The following ARHGAP42 variants were observed in gnomAD, a reference collection of about 807,000 sequenced individuals.
The protein encoded by ARHGAP42 is rho GTPase-activating protein 42.
ARHGAP42 carries 63 observed loss-of-function variants against 125.0 expected under a neutral mutation model. The ratio of observed to expected loss-of-function variants is 0.50; its 90% CI spans 0.41 to 0.62. The LOEUF (loss-of-function observed/expected upper bound fraction) is 0.62. Ranked by LOEUF, ARHGAP42 falls within the 20% of genes least tolerant of loss-of-function variation. The pLI is 0.00. For missense variants in ARHGAP42, 766 were observed against 1,024.2 expected (o/e 0.75, Z 3.44); for synonymous variants, 339 against 351.0 (o/e 0.97, Z 0.38).
intron 1 of ARHGAP42, among the ~76,000 whole-genome samples, chr11:100,713,227 C>A (rs748421176): frequency 6.6e-5 from 10 of 152,304 alleles, no homozygotes; most frequent in Admixed American, 2.6e-4. Flanking sequence ...GTTTTATATA[C>A]TATTAGAAAC....
At chr11:100,729,367 G>A (rs895833614) in intron 1 of ARHGAP42, among the ~76,000 whole-genome samples, 3 of 151,958 alleles carry the variant, frequency 2.0e-5, no homozygotes, top group South Asian at 2.1e-4. Flanking sequence ...AAGGAAACCT[G>A]TAGATCACAA....
chr11:100,987,384 T>C, intron 22 of ARHGAP42, 129 bp from the exon 23 acceptor site: 2 of 729,972 alleles, frequency 2.7e-6, no homozygotes, highest in East Asian at 2.7e-5. Flanking sequence ...TGTACACTCA[T>C]ATATGCACTT....
At chr11:100,704,443 C>T (rs746060914) in intron 1 of ARHGAP42, among the ~76,000 whole-genome samples, 3 of 152,040 alleles carry the variant, frequency 2.0e-5, no homozygotes, top group African/African-American at 4.8e-5. Flanking sequence ...AGGGAAAGTG[C>T]GTGAGAGTGA....
intron 1 of ARHGAP42, among the ~76,000 whole-genome samples, chr11:100,731,304 A>C (rs1008338176): frequency 2.0e-5 from 3 of 151,870 alleles, no homozygotes; most frequent in Non-Finnish European, 4.4e-5. Context: ...GACTACAGGC[A>C]CCTGCCACCA....
At chr11:100,725,468 C>G (rs1380702640) in intron 1 of ARHGAP42, among the ~76,000 whole-genome samples, 2 of 151,782 alleles carry the variant, frequency 1.3e-5, no homozygotes, top group Non-Finnish European at 2.9e-5. Flanking sequence ...CGCGCCCAGC[C>G]GTGACCAAAA....
At chr11:100,940,197 C>T (rs1464958571) in intron 8 of ARHGAP42, among the ~76,000 whole-genome samples, 3 of 152,000 alleles carry the variant, frequency 2.0e-5, no homozygotes, top group Admixed American at 6.6e-5. Flanking sequence ...ATACCGAGGG[C>T]ATTATTATTA....
At chr11:100,807,819 C>A (rs1315076137) in intron 3 of ARHGAP42, among the ~76,000 whole-genome samples, 1 of 152,182 alleles carries the variant, frequency 6.6e-6, no homozygotes, top group Non-Finnish European at 1.5e-5. Context: ...ATATTGAAAT[C>A]TTTCCATTTT....
chr11:100,758,000 C>A (rs1862615013), intron 1 of ARHGAP42, among the ~76,000 whole-genome samples: 1 of 152,088 alleles, frequency 6.6e-6, no homozygotes, highest in Admixed American at 6.5e-5. Context: ...TGAAAAGATT[C>A]TTTTTGACAT....
Position 100,743,264 on chromosome 11 carries a change from A to G in ARHGAP42, c.155-27079A>G, listed in dbSNP as rs117910392. 7.8e-4 allele frequency among the ~76,000 whole-genome samples: 119 copies of G among 152,296 alleles called. 2 individuals carry two copies. In the East Asian group the frequency reaches 0.019, roughly 24 times the overall value. On this transcript the variant is annotated intron_variant, in intron 1 of 23. Transcript: ENST00000298815. ...CATTTCTTGTATGGCTGGGCTGGTA[A>G]TGACAAATTCTCCCCACATTTGTTT...
rs1555021054 is a variant in ARHGAP42 at position 100,903,115 on chromosome 11, G to GTGCACA, written c.385-10337_385-10336insTGCACA. ...ATTCCTCAATCTTGCTGTCCAAGAT[G>GTGCACA]CGCACACACACACACACACACACAC... On this transcript the variant is annotated intron_variant, in intron 4 of 23. Coordinates refer to ENST00000298815, the MANE Select transcript of ARHGAP42 (RefSeq NM_152432.4). 7.3e-4 allele frequency among the ~76,000 whole-genome samples: 10 copies of GTGCACA among 13,718 alleles called. No individual in the cohort carries two copies. In the South Asian group the frequency reaches 0.015, roughly 21 times the overall value. The allele number at this position is 13,718 out of a possible 152,430, so 9.0% of individuals were successfully genotyped here.
intron 1 of ARHGAP42, among the ~76,000 whole-genome samples, chr11:100,719,920 C>T (rs924458753): frequency 7.9e-5 from 12 of 152,196 alleles, no homozygotes; most frequent in African/African-American, 2.4e-4. Flanking sequence ...GTTTTCCAGG[C>T]TGTAGTTTCA....
chr11:100,847,914 TG>T (rs1340543736), intron 3 of ARHGAP42, among the ~76,000 whole-genome samples: 2 of 152,202 alleles, frequency 1.3e-5, no homozygotes, highest in African/African-American at 4.8e-5. Context: ...ACCTGATATT[TG>T]AAGCTTGAAA....
intron 1 of ARHGAP42, among the ~76,000 whole-genome samples, chr11:100,699,313 C>T (rs1861348791): frequency 6.6e-6 from 1 of 151,598 alleles, no homozygotes; most frequent in Admixed American, 6.6e-5. Flanking sequence ...TTGGGAAACA[C>T]TGAATCCTTC....
chr11:100,983,871 G>A (rs535775548), intron 22 of ARHGAP42, among the ~76,000 whole-genome samples: 1 of 152,282 alleles, frequency 6.6e-6, no homozygotes, highest in East Asian at 1.9e-4. Context: ...GGGCATGGTG[G>A]CACACTCCTG....
chr11:100,835,564 C>A (rs1213099797), intron 3 of ARHGAP42, among the ~76,000 whole-genome samples: 1 of 152,138 alleles, frequency 6.6e-6, no homozygotes, highest in Non-Finnish European at 1.5e-5. Flanking sequence ...TTCTCAGACA[C>A]ACCAAAGGTG....
chr11:100,762,176 G>A (rs1015122332), intron 1 of ARHGAP42, among the ~76,000 whole-genome samples: 10 of 152,206 alleles, frequency 6.6e-5, no homozygotes, highest in African/African-American at 2.4e-4. Flanking sequence ...AAAGCGGGAT[G>A]CAGACTCTGA....
intron 4 of ARHGAP42, among the ~76,000 whole-genome samples, chr11:100,903,330 T>G: frequency 6.6e-6 from 1 of 151,772 alleles, no homozygotes; most frequent in East Asian, 1.9e-4. Context: ...TTGTTATAAG[T>G]TGTCTAAGTA....
chr11:100,985,513 G>T (rs1170020432), intron 22 of ARHGAP42, among the ~76,000 whole-genome samples: 4 of 152,160 alleles, frequency 2.6e-5, no homozygotes, highest in Admixed American at 6.5e-5. Flanking sequence ...GAAGTCTTCA[G>T]AACCTGATAA....
chr11:100,915,711 CA>C (rs1006721440), intron 5 of ARHGAP42, among the ~76,000 whole-genome samples: 3 of 152,206 alleles, frequency 2.0e-5, no homozygotes, highest in Admixed American at 2.0e-4. Flanking sequence ...AGCATAGTAA[CA>C]TCCTCTCCCC....
Sources: gnomAD v4.1 joint callset for allele counts (sites outside exome capture counted in the v4.1 genomes callset) on GRCh38, gnomAD v4.1.1 for gene constraint, MANE v1.5 for transcripts, NCBI Gene and HGNC (gene_info 2026-07-23, HGNC 2026-07-21) for gene names.